Variants in CYB5R4 observed in about 807,000 individuals in gnomAD.
CYB5R4 encodes the protein cytochrome b5 reductase 4, also known as N-terminal cytochrome b5 and cytochrome b5 oxidoreductase domain-containing protein.
A neutral mutation model predicts 70.2 loss-of-function variants in CYB5R4; 55 were observed. The ratio of observed to expected loss-of-function variants is 0.78; its 90% confidence interval spans 0.63 to 0.98. CYB5R4 has a LOEUF of 0.98. CYB5R4 is among the 50% of genes least tolerant of loss of function. The pLI is 0.00. For missense variants in CYB5R4, 562 were observed against 612.6 expected (o/e 0.92, Z 0.87); for synonymous variants, 197 against 199.5 (o/e 0.99, Z 0.11).
chr6:83,860,823 C>A (rs1202968628), intron 1 of CYB5R4, among the ~76,000 whole-genome samples: 1 of 152,082 alleles, frequency 6.6e-6, no homozygotes, highest in Admixed American at 6.6e-5. Flanking sequence ...TAAGTACTTA[C>A]GGGTGGCCGT....
chr6:83,902,892 T>G (rs899609267), intron 3 of CYB5R4, among the ~76,000 whole-genome samples: 1 of 152,196 alleles, frequency 6.6e-6, no homozygotes, highest in African/African-American at 2.4e-5. Flanking sequence ...CTTGTAACTT[T>G]ACTGAATTTG....
At chr6:83,929,970 A>G (rs2099467912) in intron 10 of CYB5R4, among the ~76,000 whole-genome samples, 1 of 152,188 alleles carries the variant, frequency 6.6e-6, no homozygotes, top group South Asian at 2.1e-4. Context: ...TATCACAATA[A>G]AGCAAGTCAC....
chr6:83,919,402 A>G lies in CYB5R4; in HGVS notation c.512A>G (p.Asp171Gly). The change falls in exon 7 of 16, where the codon GAT becomes GGT. Residue 171 changes from aspartate to glycine, a missense_variant. Asp to Gly is a moderately conservative substitution (Grantham distance 94, BLOSUM62 -1). Coordinates refer to ENST00000369681, the MANE Select transcript of CYB5R4 (RefSeq NM_016230.4). ...CTTTTATTTATATTTTACAGCTATGATTGGTTCCAAACAGACTCTTTAGTC... is the reference window on the plus strand; with the variant it reads ...CTTTTATTTATATTTTACAGCTATGGTTGGTTCCAAACAGACTCTTTAGTC... ...AKEGPSYPSY[D>G]WFQTDSLVTI... 1 of 1,495,448 alleles carries G rather than the reference A, an allele frequency of 6.7e-7. No individual in the cohort carries two copies. The highest frequency in any genetic ancestry group is 9.1e-7 in the Non-Finnish European group (1 of 1,095,546). The allele number at this position is 1,495,448 out of a possible 1,614,324, so 92.6% of individuals were successfully genotyped here.
At chr6:83,868,455 G>A (rs766685587) in intron 2 of CYB5R4, among the ~76,000 whole-genome samples, 1 of 152,052 alleles carries the variant, frequency 6.6e-6, no homozygotes, top group Non-Finnish European at 1.5e-5. Context: ...GCTGACAGTG[G>A]GATATAAAAA....
chr6:83,907,965 A>T (rs1225822814), intron 3 of CYB5R4, among the ~76,000 whole-genome samples: 1 of 152,130 alleles, frequency 6.6e-6, no homozygotes. Context: ...TTATGGTAGA[A>T]TGATTTATAT....
chr6:83,919,225 CA>C (rs1255552255), intron 6 of CYB5R4, among the ~76,000 whole-genome samples, 171 bp from the exon 7 acceptor site: 1 of 151,998 alleles, frequency 6.6e-6, no homozygotes, highest in African/African-American at 2.4e-5. Context: ...AAATAGTTGT[CA>C]GCTGTATAAT....
chr6:83,899,642 A>C (rs894531004), intron 3 of CYB5R4, among the ~76,000 whole-genome samples: 1 of 152,044 alleles, frequency 6.6e-6, no homozygotes, highest in Non-Finnish European at 1.5e-5. Context: ...TCAATTTCAG[A>C]GCCTGTTATT....
chr6:83,900,746 T>C (rs939817263), intron 3 of CYB5R4, among the ~76,000 whole-genome samples: 1 of 152,192 alleles, frequency 6.6e-6, no homozygotes, highest in Non-Finnish European at 1.5e-5. Context: ...TCTTTTGATC[T>C]TTGTTGGTTT....
intron 15 of CYB5R4, 59 bp downstream of exon 15, chr6:83,955,521 A>T: frequency 6.8e-7 from 1 of 1,463,022 alleles, no homozygotes. Context: ...ATCTTTCATA[A>T]CAAGCATCTC....
intron 2 of CYB5R4, 50 bp from the exon 3 acceptor site, chr6:83,893,472 A>T: frequency 9.2e-7 from 1 of 1,088,028 alleles, no homozygotes. Context: ...TAAGTTTTAC[A>T]ATTTTTGAGA....
intron 2 of CYB5R4, among the ~76,000 whole-genome samples, chr6:83,870,748 A>T (rs1187450705): frequency 6.6e-6 from 1 of 151,950 alleles, no homozygotes; most frequent in Non-Finnish European, 1.5e-5. Flanking sequence ...TTTAGGTTAG[A>T]TTAAAACCCA....
intron 5 of CYB5R4, among the ~76,000 whole-genome samples, chr6:83,914,856 T>A (rs1000315576): frequency 1.9e-4 from 21 of 113,438 alleles, no homozygotes; most frequent in African/African-American, 5.8e-4. Context: ...TTTTTTTTTT[T>A]AATATGAAAG....
At chr6:83,876,885 G>GT (rs1468586903) in intron 2 of CYB5R4, among the ~76,000 whole-genome samples, 1 of 152,030 alleles carries the variant, frequency 6.6e-6, no homozygotes, top group Non-Finnish European at 1.5e-5. Context: ...CCAGGCTGGA[G>GT]TGCAGTGGCA....
intron 3 of CYB5R4, among the ~76,000 whole-genome samples, chr6:83,899,388 T>G (rs1185923883): frequency 6.6e-6 from 1 of 152,216 alleles, no homozygotes; most frequent in Non-Finnish European, 1.5e-5. Context: ...TGAGGATTTT[T>G]GCATCAATGT....
rs542823253 is a variant in CYB5R4, at chr6:83,905,306, C to T, written c.331-3703C>T. ...TCTTGACCTCAGGTGATCTTCCCGC[C>T]TCGGCCTCCCAAAGTGCGGAGCCAC... On this transcript the variant is annotated intron_variant, in intron 3 of 15. Transcript: ENST00000369681. 2.6e-3 allele frequency among the ~76,000 whole-genome samples: 401 copies of T among 152,360 alleles called. 3 individuals carry two copies. Among genetic ancestry groups the T allele is most frequent in the African/African-American group, 9.3e-3 (385 of 41,582 alleles).
intron 15 of CYB5R4, among the ~76,000 whole-genome samples, chr6:83,958,061 A>G (rs2099472698): frequency 6.6e-6 from 1 of 152,302 alleles, no homozygotes; most frequent in Non-Finnish European, 1.5e-5. Context: ...TACATAGATT[A>G]TATTAAAAAT....
At chr6:83,922,063 A>G (rs2099466464) in intron 8 of CYB5R4, among the ~76,000 whole-genome samples, 1 of 152,190 alleles carries the variant, frequency 6.6e-6, no homozygotes, top group Non-Finnish European at 1.5e-5. Flanking sequence ...CTCTGTTCAC[A>G]TACATACACA....
At chr6:83,884,566 A>G (rs1185606585) in intron 2 of CYB5R4, among the ~76,000 whole-genome samples, 1 of 152,164 alleles carries the variant, frequency 6.6e-6, no homozygotes, top group Non-Finnish European at 1.5e-5. Flanking sequence ...CCTTAACTAC[A>G]GTTGCATATT....
At chr6:83,956,301 G>T (rs1378661988) in intron 15 of CYB5R4, among the ~76,000 whole-genome samples, 1 of 152,156 alleles carries the variant, frequency 6.6e-6, no homozygotes, top group African/African-American at 2.4e-5. Flanking sequence ...GGAGGCATGA[G>T]ACATCAATCA....
Sources: gnomAD v4.1 joint callset for allele counts (sites outside exome capture counted in the v4.1 genomes callset) on GRCh38, gnomAD v4.1.1 for gene constraint, MANE v1.5 for transcripts, NCBI Gene and HGNC (gene_info 2026-07-23, HGNC 2026-07-21) for gene names.